TNIP3: variants seen among roughly 807,000 people sequenced by gnomAD.
TNIP3 encodes TNFAIP3 interacting protein 3.
Under a neutral mutation model 54.1 loss-of-function variants are expected in TNIP3, and 34 were observed. The observed-to-expected ratio is 0.63, with a 90% CI of 0.48 to 0.84. The LOEUF (loss-of-function observed/expected upper bound fraction) is 0.84. Ranked by LOEUF, TNIP3 falls within the 40% of genes least tolerant of loss-of-function variation. The pLI, the probability that TNIP3 is intolerant of heterozygous loss-of-function variation, is 0.00. For missense variants in TNIP3, 366 were observed against 387.6 expected (o/e 0.94, Z 0.47); for synonymous variants, 134 against 136.8 (o/e 0.98, Z 0.14).
chr4:121,138,459 G>C (rs1361241107), intron 10 of TNIP3, among the ~76,000 whole-genome samples, 165 bp downstream of exon 10: 1 of 152,176 alleles, frequency 6.6e-6, no homozygotes, highest in Non-Finnish European at 1.5e-5. Flanking sequence ...TTTGTCTTAA[G>C]GAGTTCAATT....
intron 7 of TNIP3, among the ~76,000 whole-genome samples, chr4:121,146,028 T>A (rs28562240): frequency 0.052 from 7,935 of 151,996 alleles, 696 homozygotes; most frequent in African/African-American, 0.18. Flanking sequence ...TCTTTTTTTT[T>A]ACCAAGAGTA....
chr4:121,190,431 G>C (rs988336344), intron 2 of TNIP3, among the ~76,000 whole-genome samples: 1 of 152,126 alleles, frequency 6.6e-6, no homozygotes, highest in Non-Finnish European at 1.5e-5. Context: ...ATCTGAATTG[G>C]AAGAGGAGAA....
intron 3 of TNIP3, among the ~76,000 whole-genome samples, chr4:121,175,158 C>T (rs905750727): frequency 1.3e-5 from 2 of 152,128 alleles, no homozygotes; most frequent in African/African-American, 2.4e-5. Flanking sequence ...ATTTCTTAAC[C>T]CACAGGCTTA....
At position 121,205,851 on chromosome 4, in the gene TNIP3, A is replaced by C. The variant is rs909641591; in HGVS notation, c.68+10564T>G. Among the ~76,000 whole-genome samples the C allele has an allele frequency of 2.6e-5, 4 of 152,176 alleles. No homozygotes were observed. The South Asian group carries it at 8.3e-4, about 32-fold the overall frequency. On this transcript the variant is annotated intron_variant, in intron 2 of 12. Coordinates refer to the TNIP3 transcript ENST00000507879. ...AAATACCTGAGACTGGGTAATTTAC[A>C]AAGGAAAGAGGTTTAATTGACTCAC...
chr4:121,168,765 C>T (rs1730911381), upstream of TNIP3, among the ~76,000 whole-genome samples: 2 of 144,724 alleles, frequency 1.4e-5, no homozygotes, highest in African/African-American at 5.6e-5. Context: ...AATGATCCTC[C>T]CACCACAGCT....
intron 4 of TNIP3, among the ~76,000 whole-genome samples, chr4:121,155,273 G>T (rs1002606004): frequency 3.9e-5 from 6 of 152,094 alleles, no homozygotes; most frequent in African/African-American, 1.4e-4. Flanking sequence ...AAATGGGTCT[G>T]CAGGATAAGC....
chr4:121,194,046 A>T (rs1326718026), intron 2 of TNIP3, among the ~76,000 whole-genome samples: 1 of 152,162 alleles, frequency 6.6e-6, no homozygotes, highest in African/African-American at 2.4e-5. Context: ...TTTTTTATGC[A>T]AAGGATATTA....
chr4:121,212,492 T>C (rs1425402285), intron 2 of TNIP3, among the ~76,000 whole-genome samples: 4 of 152,202 alleles, frequency 2.6e-5, no homozygotes, highest in East Asian at 1.9e-4. Context: ...TTTGAAGACA[T>C]GTAATTTCTG....
intron 1 of TNIP3, among the ~76,000 whole-genome samples, chr4:121,222,815 T>TTTGTTTG (rs1553939177): frequency 6.9e-6 from 1 of 144,990 alleles, no homozygotes; most frequent in African/African-American, 2.6e-5. Context: ...TTTTTTTTTT[T>TTTGTTTG]TTTTTTTTGA....
At chr4:121,198,817 A>G (rs993814094) in intron 2 of TNIP3, among the ~76,000 whole-genome samples, 7 of 152,368 alleles carry the variant, frequency 4.6e-5, no homozygotes, top group Middle Eastern at 3.4e-3. Context: ...ATACGTTATG[A>G]GAACAAGCTG....
chr4:121,203,216 TATAGATAG>T lies in TNIP3; in HGVS notation c.68+13191_68+13198del, dbSNP rs148903658. Among the ~76,000 whole-genome samples the T allele has an allele frequency of 7.6e-3, 1,112 of 147,068 alleles. 3 individuals carry two copies. The highest frequency in any genetic ancestry group is 0.012 in the African/African-American group (489 of 39,758). On this transcript the variant is annotated intron_variant, in intron 2 of 12. Coordinates refer to the TNIP3 transcript ENST00000507879. The stretch of plus-strand genomic sequence containing the variant: ...CAATGAGTGGATAAAGAAAATGTGA[TATAGATAG>T]ATAGATAGATAGATAGATAGATAGA...
chr4:121,214,140 C>A (rs28669888), intron 2 of TNIP3, among the ~76,000 whole-genome samples: 6,572 of 152,152 alleles, frequency 0.043, 465 homozygotes, highest in African/African-American at 0.15. Flanking sequence ...TCTTCCTGTC[C>A]TGTTGGCTCT....
At chr4:121,219,591 T>G (rs1313477156), upstream of TNIP3, among the ~76,000 whole-genome samples, 1 of 152,220 alleles carries the variant, frequency 6.6e-6, no homozygotes. Flanking sequence ...GTGACAGCTT[T>G]TAATATACTT....
At chr4:121,183,088 T>C (rs1200816280) in intron 2 of TNIP3, among the ~76,000 whole-genome samples, 1 of 152,224 alleles carries the variant, frequency 6.6e-6, no homozygotes, top group Non-Finnish European at 1.5e-5. Flanking sequence ...CCAGGTTCTT[T>C]CACGCATTTT....
chr4:121,217,976 T>C (rs766579228), upstream of TNIP3, among the ~76,000 whole-genome samples: 36 of 152,132 alleles, frequency 2.4e-4, no homozygotes, highest in Non-Finnish European at 5.0e-4. Flanking sequence ...AGAAAACAAA[T>C]GACTTGGCTA....
rs1730154567 is a variant in TNIP3, at chr4:121,157,121, C to A, written c.336G>T (p.Leu112=). The A allele has an allele frequency of 3.1e-6, 5 of 1,607,760 alleles. No individual in the cohort carries two copies. Among genetic ancestry groups the A allele is most frequent in the Non-Finnish European group, 4.3e-6 (5 of 1,174,652 alleles). The change falls in exon 4 of 11, where the codon CTG becomes CTT. Residue 112 remains leucine, a synonymous_variant. Transcript: ENST00000057513. The part of the protein sequence containing the change: ...RQREDDRQRD[L]TRDRLQREEK... ...CCTCCCGCTGCAGCCGGTCCCGGGT[C>A]AGGTCGCGCTGCCTGTCGTCCTCTC...
At chr4:121,167,051 A>G (rs904039092), upstream of TNIP3, among the ~76,000 whole-genome samples, 2 of 152,140 alleles carry the variant, frequency 1.3e-5, no homozygotes, top group African/African-American at 4.8e-5. Context: ...CTGAGCTTAT[A>G]TAGTAATAAC....
chr4:121,214,597 T>C (rs544574055), intron 2 of TNIP3, among the ~76,000 whole-genome samples: 25 of 152,282 alleles, frequency 1.6e-4, no homozygotes, highest in African/African-American at 5.8e-4. Flanking sequence ...CCTTCCTTTC[T>C]TTTTCCCTTC....
upstream of TNIP3, chr4:121,216,725 G>T (rs573604538): frequency 2.1e-6 from 2 of 949,540 alleles, no homozygotes; most frequent in East Asian, 6.6e-5. Flanking sequence ...TGTAAACACA[G>T]GCTCAGTGAG....
Sources: gnomAD v4.1 joint callset for allele counts (sites outside exome capture counted in the v4.1 genomes callset) on GRCh38, gnomAD v4.1.1 for gene constraint, MANE v1.5 for transcripts, NCBI Gene and HGNC (gene_info 2026-07-23, HGNC 2026-07-21) for gene names.